The following PKIA variants were observed in gnomAD, a reference collection of about 807,000 sequenced individuals.
PKIA encodes cAMP-dependent protein kinase inhibitor alpha, also known as PKI-alpha.
A neutral mutation model predicts 7.6 loss-of-function variants in PKIA; 4 were observed. The observed-to-expected ratio is 0.52, with a 90% CI of 0.26 to 1.20. PKIA has a LOEUF of 1.20. PKIA is among the 50% of genes most tolerant of loss of function. PKIA has a pLI of 0.13. For missense variants in PKIA, 73 were observed against 86.2 expected (o/e 0.85, Z 0.61); for synonymous variants, 21 against 30.7 (o/e 0.68, Z 1.04).
intron 1 of PKIA, among the ~76,000 whole-genome samples, chr8:78,520,676 T>G (rs1265017743): frequency 6.6e-6 from 1 of 152,144 alleles, no homozygotes; most frequent in Admixed American, 6.5e-5. Context: ...TTTCCAGTGC[T>G]TTTTAAACTT....
chr8:78,598,325 A>G (rs1808276013), intron 2 of PKIA, 33 bp from the exon 3 acceptor site: 6 of 1,339,958 alleles, frequency 4.5e-6, no homozygotes, highest in Non-Finnish European at 6.3e-6. Context: ...GACTACCATT[A>G]TATTCACCTA....
At position 78,598,344 on chromosome 8, in the gene PKIA, C is replaced by G. The variant is rs752734171; in HGVS notation, c.-27-14C>G. 1 of 1,537,612 alleles carries G rather than the reference C, an allele frequency of 6.5e-7. No homozygotes were observed. The highest frequency in any genetic ancestry group is 1.8e-5 in the Admixed American group (1 of 56,656). On this transcript the variant is annotated splice_polypyrimidine_tract_variant and intron_variant, in intron 2 of 3. Transcript: ENST00000396418. ...ACCATTATATTCACCTATTAATTTT[C>G]CTTTCTTTTGTAGTCCCTGCTATGT...
At chr8:78,537,934 T>A in intron 1 of PKIA, among the ~76,000 whole-genome samples, 1 of 152,062 alleles carries the variant, frequency 6.6e-6, no homozygotes, top group Non-Finnish European at 1.5e-5. Context: ...GGTTCACTTG[T>A]GAACCTTCTT....
At chr8:78,545,165 G>A (rs879577474) in intron 1 of PKIA, among the ~76,000 whole-genome samples, 1 of 152,086 alleles carries the variant, frequency 6.6e-6, no homozygotes, top group Non-Finnish European at 1.5e-5. Flanking sequence ...GCTCAAAATA[G>A]AAATGATTTT....
chr8:78,593,054 A>C (rs1264689688), intron 2 of PKIA, among the ~76,000 whole-genome samples: 2 of 152,180 alleles, frequency 1.3e-5, no homozygotes, highest in African/African-American at 4.8e-5. Context: ...CATCTGAAAA[A>C]TGAGGATTTG....
At chr8:78,592,591 T>C (rs1181618761) in intron 2 of PKIA, among the ~76,000 whole-genome samples, 1 of 152,200 alleles carries the variant, frequency 6.6e-6, no homozygotes. Flanking sequence ...GTAAGCACAA[T>C]ATACTTTTAT....
At chr8:78,598,275 C>G (rs1808274369) in intron 2 of PKIA, 83 bp from the exon 3 acceptor site, 3 of 766,192 alleles carry the variant, frequency 3.9e-6, no homozygotes, top group Non-Finnish European at 6.1e-6. Context: ...ACAATTGTTT[C>G]ACATTCATAT....
At chr8:78,563,573 T>G (rs1300536490) in intron 1 of PKIA, among the ~76,000 whole-genome samples, 2 of 151,920 alleles carry the variant, frequency 1.3e-5, no homozygotes, top group Non-Finnish European at 2.9e-5. Context: ...AAGGAAAGAG[T>G]CTAGAAATAA....
intron 1 of PKIA, among the ~76,000 whole-genome samples, chr8:78,559,669 A>G (rs1015038964): frequency 1.3e-5 from 2 of 152,220 alleles, no homozygotes; most frequent in Non-Finnish European, 2.9e-5. Context: ...TCCCGAGCTC[A>G]TTGATACAGC....
chr8:78,553,595 G>C (rs1038057860), intron 1 of PKIA, among the ~76,000 whole-genome samples: 3 of 151,976 alleles, frequency 2.0e-5, no homozygotes, highest in Middle Eastern at 3.4e-3. Context: ...TTCCCTACTG[G>C]CTTCTTTTTG....
At chr8:78,591,971 G>T (rs888328021) in intron 2 of PKIA, among the ~76,000 whole-genome samples, 1 of 152,062 alleles carries the variant, frequency 6.6e-6, no homozygotes, top group Non-Finnish European at 1.5e-5. Flanking sequence ...ATTTTGGGGG[G>T]TGAATATCTG....
chr8:78,562,950 AT>A (rs1807319382), intron 1 of PKIA, among the ~76,000 whole-genome samples: 2 of 152,216 alleles, frequency 1.3e-5, no homozygotes, highest in Non-Finnish European at 2.9e-5. Flanking sequence ...TATGAAAAAA[AT>A]ATTTCTCTTT....
rs1435632761 is a variant in PKIA at position 78,602,260 on chromosome 8, C to T, written c.*439C>T. 1.1e-5 allele frequency: 2 copies of T among 182,108 alleles called. No individual in the cohort carries two copies. The highest frequency in any genetic ancestry group is 5.9e-5 in the Admixed American group (1 of 16,858). 11.3% of individuals were successfully genotyped at this position (182,108 alleles called of 1,614,324 possible). On this transcript the variant is annotated 3_prime_UTR_variant, in exon 4 of 4. Transcript: ENST00000396418. ...CCCAGTAAAAGAAAGATCCAGAAAG[C>T]ACTGTTTTTAGCATTACGTATCTGT...
intron 1 of PKIA, among the ~76,000 whole-genome samples, chr8:78,529,707 T>G (rs1274886570): frequency 8.5e-5 from 13 of 152,060 alleles, no homozygotes; most frequent in Non-Finnish European, 1.5e-4. Context: ...TTGCCTTTAC[T>G]ATTAAATAAG....
At chr8:78,559,016 G>T (rs1176361809) in intron 1 of PKIA, among the ~76,000 whole-genome samples, 1 of 152,100 alleles carries the variant, frequency 6.6e-6, no homozygotes, top group Non-Finnish European at 1.5e-5. Context: ...CCGCCTCCTG[G>T]GTTCCAGCGA....
intron 3 of PKIA, among the ~76,000 whole-genome samples, chr8:78,599,156 C>T (rs1482646987): frequency 6.6e-6 from 1 of 151,996 alleles, no homozygotes; most frequent in Non-Finnish European, 1.5e-5. Context: ...AAGAGAAAAA[C>T]AAGTTTGATG....
chr8:78,526,525 G>C (rs775115246), intron 1 of PKIA, among the ~76,000 whole-genome samples: 25 of 152,108 alleles, frequency 1.6e-4, no homozygotes, highest in Non-Finnish European at 3.2e-4. Context: ...GATCCTATTT[G>C]GCTAACTCAA....
chr8:78,588,267 G>T (rs1808000635), intron 2 of PKIA, among the ~76,000 whole-genome samples: 1 of 152,042 alleles, frequency 6.6e-6, no homozygotes, highest in African/African-American at 2.4e-5. Context: ...GATCACCTGA[G>T]GTCGGGAGTT....
At chr8:78,596,326 G>A (rs572601457) in intron 2 of PKIA, among the ~76,000 whole-genome samples, 10 of 151,944 alleles carry the variant, frequency 6.6e-5, no homozygotes, top group Admixed American at 4.6e-4. Context: ...TGTGATCTCC[G>A]CCTCCCGGGT....
Sources: gnomAD v4.1 joint callset for allele counts (sites outside exome capture counted in the v4.1 genomes callset) on GRCh38, gnomAD v4.1.1 for gene constraint, MANE v1.5 for transcripts, NCBI Gene and HGNC (gene_info 2026-07-23, HGNC 2026-07-21) for gene names.